Variants in ADAT3 observed in about 807,000 individuals in gnomAD.
The protein encoded by ADAT3 is tRNA-specific adenosine-34 deaminase regulatory subunit ADAT3.
Under a neutral mutation model 3.5 loss-of-function variants are expected in ADAT3, and 2 were observed. That is an observed-to-expected ratio of 0.57 (90% CI 0.23 to 1.79). The LOEUF (loss-of-function observed/expected upper bound fraction) is 1.79, where lower values mean the gene tolerates loss of function less well. Ranked by LOEUF, ADAT3 falls within the 40% of genes most tolerant of loss-of-function variation. The pLI is 0.18. For synonymous variants in ADAT3, 358 were observed against 270.3 expected (o/e 1.32, Z -3.18); for missense variants, 735 against 571.4 (o/e 1.29, Z -2.92).
rs986628600 is a variant in ADAT3, at chr19:1,912,971, C to T, written c.924C>T (p.Ala308=). ...TGTACGTGACCCGCGAGCCCTGCGC[C>T]ATGTGCGCCATGGCCCTGGTGCACG... ...YDLYVTREPC[A]MCAMALVHAR... is the part of the protein sequence containing the mutation. Residue 308 remains alanine (A), a synonymous_variant, in exon 2 of 2, where the codon GCC becomes GCT. Transcript: ENST00000329478. 2 of 1,609,742 alleles carry T rather than the reference C, an allele frequency of 1.2e-6. No homozygotes were observed. Among genetic ancestry groups the T allele is most frequent in the African/African-American group, 1.3e-5 (1 of 74,888 alleles).
rs868340074 is a variant in ADAT3, at chr19:1,913,129, G to A, written c.1082G>A (p.Arg361His). 5.1e-6 allele frequency: 8 copies of A among 1,573,178 alleles called. No individual in the cohort carries two copies. The Admixed American group carries it at 7.2e-5, about 14-fold the overall frequency. The stretch of plus-strand genomic sequence containing the variant: ...CGCGGGGTGCTGGAGGAGCAGTGCC[G>A]CTGGCTGGACCCCGACACGTAGGCG... ...VFRGVLEEQC[R>H]WLDPDT The change falls in exon 2 of 2, where the codon CGC (arginine) becomes CAC (histidine). Residue 361 changes from arginine (R) to histidine (H), a missense_variant. Transcript: ENST00000329478.
Position 1,912,175 on chromosome 19 carries a change from A to G in ADAT3, c.128A>G (p.Gln43Arg). 6.3e-7 allele frequency: 1 copy of G among 1,577,832 alleles called. No homozygotes were observed. Among genetic ancestry groups the G allele is most frequent in the Admixed American group, 1.8e-5 (1 of 55,116 alleles). The change falls in exon 2 of 2, where the codon CAG (glutamine) becomes CGG (arginine). Residue 43 changes from glutamine (Q) to arginine (R), a missense_variant. Transcript: ENST00000329478. ...CCGGAGCCTGAGCCGGCGCCGTGGC[A>G]GGCCCTCCCTGTCCTGTCCGAGAAG... ...GSPEPEPAPW[Q>R]ALPVLSEKQS...
intron 1 of ADAT3, among the ~76,000 whole-genome samples, chr19:1,911,334 G>A (rs2013435325): frequency 6.6e-6 from 1 of 152,086 alleles, no homozygotes; most frequent in African/African-American, 2.4e-5. Context: ...ACCACGCCCA[G>A]CTAATTTTTT....
Position 1,913,190 on chromosome 19 carries a change from C to A in ADAT3, c.*39C>A. 6.8e-7 allele frequency: 1 copy of A among 1,469,774 alleles called. No individual in the cohort carries two copies. Among genetic ancestry groups the A allele is most frequent in the Non-Finnish European group, 9.0e-7 (1 of 1,111,312 alleles). 91.0% of individuals were successfully genotyped at this position (1,469,774 alleles called of 1,614,324 possible). On this transcript the variant is annotated 3_prime_UTR_variant, in exon 2 of 2. Transcript: ENST00000329478. ...GCCTCCGGACCCTTCCCGCTCCCGGCCGTGGGGCGCCCCTCCTGGACTTCC... is the reference window on the plus strand; with the variant it reads ...GCCTCCGGACCCTTCCCGCTCCCGGACGTGGGGCGCCCCTCCTGGACTTCC...
In ADAT3 at chr19:1,912,379, G is replaced by C. The variant is rs1316578343; in HGVS notation, c.332G>C (p.Cys111Ser). Reference protein sequence around the residue: ...GSPHALEMLLCLAGPASGPRS... With the variant: ...GSPHALEMLLSLAGPASGPRS... Reference sequence around the variant, plus strand: ...CCCCACGCCCTGGAGATGCTGCTTTGCCTGGCTGGGCCGGCCTCGGGCCCG... The same window carrying C: ...CCCCACGCCCTGGAGATGCTGCTTTCCCTGGCTGGGCCGGCCTCGGGCCCG... The change falls in exon 2 of 2, where the codon TGC becomes TCC. Residue 111 changes from cysteine (C) to serine (S), a missense_variant. Coordinates refer to ENST00000329478, the MANE Select transcript of ADAT3 (RefSeq NM_138422.4). 3 of 1,521,256 alleles carry C rather than the reference G, an allele frequency of 2.0e-6. No individual in the cohort carries two copies. The highest frequency in any genetic ancestry group is 2.6e-6 in the Non-Finnish European group (3 of 1,141,984). The allele number at this position is 1,521,256 out of a possible 1,614,324, so 94.2% of individuals were successfully genotyped here.
In ADAT3 at chr19:1,913,288, G is replaced by C; in HGVS notation, c.*137G>C. 7.8e-7 allele frequency: 1 copy of C among 1,286,048 alleles called. No individual in the cohort carries two copies. The highest frequency in any genetic ancestry group is 1.0e-6 in the Non-Finnish European group (1 of 954,590). The allele number at this position is 1,286,048 out of a possible 1,614,324, so 79.7% of individuals were successfully genotyped here. ...CATACCGCCTCCAGCGGGGAGCACG[G>C]GTGCTGCCTTCCGTGCGGATCGAGC... On this transcript the variant is annotated 3_prime_UTR_variant, in exon 2 of 2. Coordinates refer to ENST00000329478, the MANE Select transcript of ADAT3 (RefSeq NM_138422.4).
Position 1,912,828 on chromosome 19 carries a change from C to G in ADAT3, c.781C>G (p.Pro261Ala). 6.3e-7 allele frequency: 1 copy of G among 1,591,112 alleles called. No individual in the cohort carries two copies. Among genetic ancestry groups the G allele is most frequent in the Non-Finnish European group, 8.5e-7 (1 of 1,175,516 alleles). The change falls in exon 2 of 2, where the codon CCC (proline) becomes GCC (alanine). Residue 261 changes from proline (P) to alanine (A), a missense_variant. Transcript: ENST00000329478. ...GGGCCGCGGCACCTACGACTTCAGACCCTTCCCCGCCTGCTCCTTCGCCCC... is the reference window on the plus strand; with the variant it reads ...GGGCCGCGGCACCTACGACTTCAGAGCCTTCCCCGCCTGCTCCTTCGCCCC... ...GQGRGTYDFR[P>A]FPACSFAPAA...
At position 1,908,228 on chromosome 19, in the gene ADAT3, C is replaced by G. The variant is rs1054011280; in HGVS notation, c.-159+2789C>G. The G allele has an allele frequency of 7.1e-6, 2 of 282,938 alleles. No homozygotes were observed. Among genetic ancestry groups the G allele is most frequent in the Non-Finnish European group, 1.4e-5 (2 of 143,104 alleles). 17.5% of individuals were successfully genotyped at this position (282,938 alleles called of 1,614,324 possible). A position where few individuals can be genotyped will look rare whatever the true frequency, so the allele number is the denominator to read the frequency against. ...ACGGGGCCTCGGGCAGCGGCAGCAC[C>G]TGGCGCTGCCTCCGCGCTTCCTGCT... On this transcript the variant is annotated intron_variant, in intron 1 of 1. Coordinates refer to ENST00000329478, the MANE Select transcript of ADAT3 (RefSeq NM_138422.4). This position sits in a 1 kb window ranked among gnomAD's most constrained non-coding sequence, Gnocchi z 4.2.
rs937114381 is a variant in ADAT3 at position 1,912,491 on chromosome 19, G to T, written c.444G>T (p.Pro148=). Residue 148 remains proline (P), a synonymous_variant, in exon 2 of 2, where the codon CCG becomes CCT. Transcript: ENST00000329478. ...QPFLVPVPAR[P]PLTRGQFEEA... Reference sequence around the variant, plus strand: ...TCCTGGTGCCCGTGCCCGCCCGGCCGCCTCTGACCAGGGGCCAGTTCGAGG... The same window carrying T: ...TCCTGGTGCCCGTGCCCGCCCGGCCTCCTCTGACCAGGGGCCAGTTCGAGG... The T allele has an allele frequency of 6.7e-7, 1 of 1,497,318 alleles. No homozygotes were observed. The highest frequency in any genetic ancestry group is 2.2e-5 in the Admixed American group (1 of 45,616). The allele number at this position is 1,497,318 out of a possible 1,614,324, so 92.8% of individuals were successfully genotyped here.
At chr19:1,905,540 C>T (rs1057384745) in intron 1 of ADAT3, 101 bp downstream of exon 1, 13 of 336,314 alleles carry the variant, frequency 3.9e-5, no homozygotes, top group Non-Finnish European at 7.8e-5. Flanking sequence ...GGGGCGCCGG[C>T]CGTTTGTGGG....
rs1260122200 is a variant in ADAT3, at chr19:1,908,512, G to A, written c.-159+3073G>A. 1 of 471,016 alleles carries A rather than the reference G, an allele frequency of 2.1e-6. No homozygotes were observed. The highest frequency in any genetic ancestry group is 4.4e-6 in the Non-Finnish European group (1 of 227,060). The allele number at this position is 471,016 out of a possible 1,614,324, so 29.2% of individuals were successfully genotyped here. On this transcript the variant is annotated intron_variant, in intron 1 of 1. Transcript: ENST00000329478. The surrounding 1 kb of genome is among the most constrained non-coding windows in gnomAD (Gnocchi z 4.2). The stretch of plus-strand genomic sequence containing the variant: ...CGGGAGGAGCCGTCCATACCAGCGG[G>A]GATGTGTAGTCCAGGCTGGCAGTTC...
rs2013509956 is a variant in ADAT3, at chr19:1,912,385, C to G, written c.338C>G (p.Ala113Gly). The change falls in exon 2 of 2, where the codon GCT (alanine) becomes GGT (glycine). Residue 113 changes from alanine (A) to glycine (G), a missense_variant. By Grantham distance (60) the Ala-to-Gly change is moderately conservative. Transcript: ENST00000329478. ...PHALEMLLCL[A>G]GPASGPRSLA... ...GCCCTGGAGATGCTGCTTTGCCTGG[C>G]TGGGCCGGCCTCGGGCCCGCGCTCG... is the stretch of plus-strand genomic sequence containing the variant. 2 of 1,519,622 alleles carry G rather than the reference C, an allele frequency of 1.3e-6. No homozygotes were observed. The highest frequency in any genetic ancestry group is 1.8e-6 in the Non-Finnish European group (2 of 1,141,070). The allele number at this position is 1,519,622 out of a possible 1,614,324, so 94.1% of individuals were successfully genotyped here.
chr19:1,908,555 G>A lies in ADAT3; in HGVS notation c.-159+3116G>A, dbSNP rs778095937. ...GGCAGTTCAGGATCACCCGGCTGGA[G>A]TCATTTTAAGATCATCTGCGGCTTA... On this transcript the variant is annotated intron_variant, in intron 1 of 1. Coordinates refer to ENST00000329478, the MANE Select transcript of ADAT3 (RefSeq NM_138422.4). The surrounding 1 kb of genome is among the most constrained non-coding windows in gnomAD (Gnocchi z 4.2). 5.3e-5 allele frequency: 25 copies of A among 471,086 alleles called. 1 individual carries two copies. Among genetic ancestry groups the A allele is most frequent in the South Asian group, 3.9e-4 (25 of 64,578 alleles). 29.2% of individuals were successfully genotyped at this position (471,086 alleles called of 1,614,324 possible).
rs2013238684 is a variant in ADAT3, at chr19:1,908,180, G to C, written c.-159+2741G>C. ...GCGTTTTGGGAGGGCCCAGCGAGTCGGCTGCTATGGGCCCCACCTGGCACG... is the reference window on the plus strand; with the variant it reads ...GCGTTTTGGGAGGGCCCAGCGAGTCCGCTGCTATGGGCCCCACCTGGCACG... On this transcript the variant is annotated intron_variant, in intron 1 of 1. Transcript: ENST00000329478. The surrounding 1 kb of genome is among the most constrained non-coding windows in gnomAD (Gnocchi z 4.2). The C allele has an allele frequency of 3.8e-6, 1 of 265,158 alleles. No homozygotes were observed. The allele number at this position is 265,158 out of a possible 1,614,324, so 16.4% of individuals were successfully genotyped here.
chr19:1,909,103 T>TG (rs2013296415), intron 1 of ADAT3, among the ~76,000 whole-genome samples: 2 of 148,752 alleles, frequency 1.3e-5, no homozygotes, highest in Non-Finnish European at 3.0e-5. Context: ...AGACTCTGTC[T>TG]GAAAAAAAAA....
rs766287421 is a variant in ADAT3, at chr19:1,912,923, C to T, written c.876C>T (p.Pro292=). The stretch of plus-strand genomic sequence containing the variant: ...TGGACGCAGACGAGGACGGCCTCCC[C>T]TACCTGTGCACTGGCTACGACCTGT... ...RKLDADEDGL[P]YLCTGYDLYV... Residue 292 remains proline (P), a synonymous_variant, in exon 2 of 2, where the codon CCC becomes CCT. Transcript: ENST00000329478. 5 of 1,610,182 alleles carry T rather than the reference C, an allele frequency of 3.1e-6. No homozygotes were observed. In the South Asian group the frequency reaches 5.5e-5, roughly 18 times the overall value.
At position 1,913,222 on chromosome 19, in the gene ADAT3, C is replaced by T; in HGVS notation, c.*71C>T. 6.9e-7 allele frequency: 1 copy of T among 1,453,946 alleles called. No homozygotes were observed. 90.1% of individuals were successfully genotyped at this position (1,453,946 alleles called of 1,614,324 possible). ...GCGCCCCTCCTGGACTTCCGGGCCTCGATTTCTTCCGCACAAGCCTGACCG... is the reference window on the plus strand; with the variant it reads ...GCGCCCCTCCTGGACTTCCGGGCCTTGATTTCTTCCGCACAAGCCTGACCG... On this transcript the variant is annotated 3_prime_UTR_variant, in exon 2 of 2. Coordinates refer to ENST00000329478, the MANE Select transcript of ADAT3 (RefSeq NM_138422.4).
rs1340991377 is a variant in ADAT3 at position 1,912,433 on chromosome 19, C to T, written c.386C>T (p.Pro129Leu). The T allele has an allele frequency of 4.6e-6, 7 of 1,510,314 alleles. No individual in the cohort carries two copies. Among genetic ancestry groups the T allele is most frequent in the Non-Finnish European group, 6.2e-6 (7 of 1,136,650 alleles). 93.6% of individuals were successfully genotyped at this position (1,510,314 alleles called of 1,614,324 possible). A position where few individuals can be genotyped will look rare whatever the true frequency, so the allele number is the denominator to read the frequency against. Residue 129 changes from proline to leucine, a missense_variant, in exon 2 of 2, where the codon CCG becomes CTG. By Grantham distance (98) the Pro-to-Leu change is moderately conservative (BLOSUM62 -3). Transcript: ENST00000329478. ...PRSLAELLPR[P>L]AVDPRGLGQP... is the part of the protein sequence containing the mutation. ...TCGCTGGCTGAGCTCCTGCCACGGC[C>T]GGCTGTGGACCCCCGCGGCCTGGGG... is the stretch of plus-strand genomic sequence containing the variant.
rs370276587 is a variant in ADAT3, at chr19:1,913,142, C to T, written c.1095C>T (p.Pro365=). The T allele has an allele frequency of 2.4e-5, 38 of 1,555,556 alleles. No individual in the cohort carries two copies. Among genetic ancestry groups the T allele is most frequent in the Non-Finnish European group, 2.9e-5 (34 of 1,154,324 alleles). ...AGGAGCAGTGCCGCTGGCTGGACCCCGACACGTAGGCGCCGCCCTCCTGCC... is the reference window on the plus strand; with the variant it reads ...AGGAGCAGTGCCGCTGGCTGGACCCTGACACGTAGGCGCCGCCCTCCTGCC... ...VLEEQCRWLD[P]DT is the part of the protein sequence containing the mutation. The change falls in exon 2 of 2, where the codon CCC becomes CCT. Residue 365 remains proline, a synonymous_variant. Coordinates refer to ENST00000329478, the MANE Select transcript of ADAT3 (RefSeq NM_138422.4).
Sources: allele counts gnomAD v4.1 joint callset (sites outside exome capture counted in the v4.1 genomes callset), GRCh38; gene constraint gnomAD v4.1.1; non-coding constraint Gnocchi (gnomAD v3.1); transcripts MANE v1.5; gene names NCBI Gene and HGNC (gene_info 2026-07-23, HGNC 2026-07-21).